Variants in PLEKHA8 observed in about 807,000 individuals in gnomAD.
PLEKHA8 encodes the protein pleckstrin homology domain-containing family A member 8.
A neutral mutation model predicts 68.2 loss-of-function variants in PLEKHA8; 36 were observed. That is an observed-to-expected ratio of 0.53 (90% CI 0.40 to 0.70). The LOEUF (loss-of-function observed/expected upper bound fraction) is 0.70. PLEKHA8 is among the 30% of genes least tolerant of loss of function. The pLI is 0.00. For missense variants in PLEKHA8, 505 were observed against 615.4 expected (o/e 0.82, Z 1.90); for synonymous variants, 211 against 216.1 (o/e 0.98, Z 0.20).
intron 13 of PLEKHA8, among the ~76,000 whole-genome samples, chr7:30,098,927 C>G (rs1391378730): frequency 6.6e-6 from 1 of 152,178 alleles, no homozygotes; most frequent in Non-Finnish European, 1.5e-5. Context: ...GAGCTGTAGA[C>G]TGGAGCTGTT....
chr7:30,125,566 A>T (rs889316017), intron 13 of PLEKHA8, among the ~76,000 whole-genome samples: 1 of 152,220 alleles, frequency 6.6e-6, no homozygotes, highest in Non-Finnish European at 1.5e-5. Flanking sequence ...TTTATTTATC[A>T]GAGTCCTGAC....
At chr7:30,051,636 A>T (rs1156888078) in intron 6 of PLEKHA8, among the ~76,000 whole-genome samples, 1 of 151,974 alleles carries the variant, frequency 6.6e-6, no homozygotes, top group Non-Finnish European at 1.5e-5. Flanking sequence ...TCAGGATGTG[A>T]TGTGGTCCTC....
chr7:30,037,499 A>G (rs1222088108), intron 1 of PLEKHA8, among the ~76,000 whole-genome samples: 1 of 152,148 alleles, frequency 6.6e-6, no homozygotes, highest in African/African-American at 2.4e-5. Context: ...ATTTTGTATT[A>G]GGATAGGTTT....
In PLEKHA8 at chr7:30,079,423, A is replaced by G. The variant is rs1368693862; in HGVS notation, c.*636A>G. 5 of 985,530 alleles carry G rather than the reference A, an allele frequency of 5.1e-6. No homozygotes were observed. In the African/African-American group the frequency reaches 5.2e-5, roughly 10 times the overall value. The allele number at this position is 985,530 out of a possible 1,614,324, so 61.0% of individuals were successfully genotyped here. On this transcript the variant is annotated 3_prime_UTR_variant, in exon 14 of 14. Transcript: ENST00000449726. ...GGCATGAAACCGTTGCTCTGAGAAG[A>G]TTAATGGTGTGCCCTAGCCCCAAGT...
At chr7:30,045,316 G>A in intron 2 of PLEKHA8, 115 bp downstream of exon 2, 1 of 719,082 alleles carries the variant, frequency 1.4e-6, no homozygotes, top group Non-Finnish European at 2.3e-6. Context: ...CAGACCAAGG[G>A]ACATAGTGTT....
At position 30,090,715 on chromosome 7, in the gene PLEKHA8, CTT is replaced by C. The variant is rs796218445; in HGVS notation, c.*543_*544del. The C allele has an allele frequency of 2.2e-5, 15 of 688,258 alleles. No individual in the cohort carries two copies. The African/African-American group carries it at 2.9e-4, about 13-fold the overall frequency. 42.6% of individuals were successfully genotyped at this position (688,258 alleles called of 1,614,324 possible). ...ACAATTTCTTAAATTTTTTGGTAATCTTTTAAATAAACAGATTTCTAAAAAGA... is the reference window on the plus strand; with the variant it reads ...ACAATTTCTTAAATTTTTTGGTAATCTTAAATAAACAGATTTCTAAAAAGA... On this transcript the variant is annotated 3_prime_UTR_variant, in exon 13 of 13. Transcript: ENST00000258679.
intron 13 of PLEKHA8, among the ~76,000 whole-genome samples, chr7:30,104,833 G>A (rs1245853302): frequency 6.8e-6 from 1 of 148,058 alleles, no homozygotes; most frequent in East Asian, 2.0e-4. Flanking sequence ...AGTGATTCTC[G>A]TGCCTCAGCC....
At chr7:30,034,221 G>A (rs1790887961) in intron 1 of PLEKHA8, among the ~76,000 whole-genome samples, 1 of 151,672 alleles carries the variant, frequency 6.6e-6, no homozygotes, top group Non-Finnish European at 1.5e-5. Flanking sequence ...TGTTGGCCAG[G>A]CTGGTCCGAA....
chr7:30,100,908 A>G (rs1031013940), intron 13 of PLEKHA8, among the ~76,000 whole-genome samples: 7 of 152,152 alleles, frequency 4.6e-5, no homozygotes, highest in African/African-American at 1.7e-4. Context: ...AGTAAATTGC[A>G]GCTGGGCATG....
rs551087676 is a variant in PLEKHA8 at position 30,101,943 on chromosome 7, C to A, written c.1363-27323C>A. 3.6e-4 allele frequency among the ~76,000 whole-genome samples: 55 copies of A among 152,216 alleles called. 1 individual carries two copies. The highest frequency in any genetic ancestry group is 3.4e-3 in the Middle Eastern group (1 of 294). On this transcript the variant is annotated intron_variant, in intron 13 of 13. Transcript: ENST00000396257. ...AATAAATAAATAAATTGTACTTTAT[C>A]AAATTAAAAAACTTTTGTGCATCAA... is the stretch of plus-strand genomic sequence containing the variant.
intron 9 of PLEKHA8, among the ~76,000 whole-genome samples, chr7:30,055,770 A>G (rs79020682): frequency 2.5e-3 from 382 of 151,252 alleles, no homozygotes; most frequent in Non-Finnish European, 3.9e-3. Context: ...GGCTCAAGCA[A>G]TCCTTCCACC....
At chr7:30,106,799 T>C (rs1796075127) in intron 13 of PLEKHA8, among the ~76,000 whole-genome samples, 2 of 152,224 alleles carry the variant, frequency 1.3e-5, no homozygotes, top group Non-Finnish European at 2.9e-5. Flanking sequence ...AAGTGATGTG[T>C]AGGTATTGTA....
chr7:30,082,608 A>G lies in PLEKHA8; in HGVS notation c.*3821A>G. On this transcript the variant is annotated 3_prime_UTR_variant, in exon 14 of 14. Transcript: ENST00000449726. ...CTTTTGGTTATTACTTTCCAAATATATTAACAAAAAGTTGATGCTTTTAAC... is the reference window on the plus strand; with the variant it reads ...CTTTTGGTTATTACTTTCCAAATATGTTAACAAAAAGTTGATGCTTTTAAC... 1 of 985,174 alleles carries G rather than the reference A, an allele frequency of 1.0e-6. No homozygotes were observed. 61.0% of individuals were successfully genotyped at this position (985,174 alleles called of 1,614,324 possible). A position where few individuals can be genotyped will look rare whatever the true frequency, so the allele number is the denominator to read the frequency against.
At chr7:30,055,512 C>T (rs1441634980) in intron 9 of PLEKHA8, among the ~76,000 whole-genome samples, 170 bp downstream of exon 9, 1 of 152,178 alleles carries the variant, frequency 6.6e-6, no homozygotes, top group African/African-American at 2.4e-5. Flanking sequence ...AGCATTATTG[C>T]ATATTCCCAT....
chr7:30,084,960 T>G (rs933825741), downstream of PLEKHA8, among the ~76,000 whole-genome samples: 61 of 151,884 alleles, frequency 4.0e-4, 1 homozygote, highest in African/African-American at 1.3e-3. Context: ...TTTTTTTTTT[T>G]TTTTGAGGCA....
chr7:30,088,086 G>A (rs1795251146), downstream of PLEKHA8, among the ~76,000 whole-genome samples: 1 of 152,224 alleles, frequency 6.6e-6, no homozygotes, highest in South Asian at 2.1e-4. Flanking sequence ...TCTTCCAGAT[G>A]TGTTAGTTCT....
chr7:30,080,776 T>G lies in PLEKHA8; in HGVS notation c.*1989T>G. 1 of 985,366 alleles carries G rather than the reference T, an allele frequency of 1.0e-6. No individual in the cohort carries two copies. The allele number at this position is 985,366 out of a possible 1,614,324, so 61.0% of individuals were successfully genotyped here. ...GTGAGTATAGATCTCCTTCTCTGAT[T>G]AGTATGAATATGATGGCAGGACTCG... On this transcript the variant is annotated 3_prime_UTR_variant, in exon 14 of 14. Transcript: ENST00000449726.
chr7:30,101,018 C>T (rs902414114), intron 13 of PLEKHA8, among the ~76,000 whole-genome samples: 6 of 151,934 alleles, frequency 3.9e-5, no homozygotes, highest in Admixed American at 6.6e-5. Context: ...GGTGAAACCC[C>T]GTCTCTACTA....
rs150641836 is a variant in PLEKHA8, at chr7:30,097,655, C to G, written c.1362+23523C>G. On this transcript the variant is annotated intron_variant, in intron 13 of 13. Transcript: ENST00000396257. ...GCTTGTGCATTCGTCACATAGTTCT[C>G]GTGCCGTGGTTTTCAGCTCCATCAG... Among the ~76,000 whole-genome samples the G allele has an allele frequency of 8.9e-3, 1,350 of 152,296 alleles. 21 individuals are homozygous for G. Among genetic ancestry groups the G allele is most frequent in the African/African-American group, 0.031 (1,301 of 41,560 alleles).
Sources: allele counts gnomAD v4.1 joint callset (sites outside exome capture counted in the v4.1 genomes callset), GRCh38; gene constraint gnomAD v4.1.1; transcripts MANE v1.5; gene names NCBI Gene and HGNC (gene_info 2026-07-23, HGNC 2026-07-21).